The following NALF1 variants were observed in gnomAD, a reference collection of about 807,000 sequenced individuals.
NALF1 encodes the protein family with sequence similarity 155 member A.
A neutral mutation model predicts 48.4 loss-of-function variants in NALF1; 3 were observed. The ratio of observed to expected loss-of-function variants is 0.06; its 90% CI spans 0.03 to 0.16. The LOEUF is 0.16. NALF1 is among the 10% of genes least tolerant of loss of function. The probability of loss-of-function intolerance (pLI) is 1.00; values close to 1 mark genes in which losing one functional copy is unlikely to be tolerated. For synonymous variants in NALF1, 262 were observed against 245.7 expected (o/e 1.07, Z -0.62); for missense variants, 526 against 571.5 (o/e 0.92, Z 0.81).
intron 1 of NALF1, among the ~76,000 whole-genome samples, chr13:107,515,403 T>C (rs181152616): frequency 6.6e-6 from 1 of 152,298 alleles, no homozygotes; most frequent in East Asian, 1.9e-4. Flanking sequence ...TTAGACACCA[T>C]GCAAAGTTCT....
intron 1 of NALF1, among the ~76,000 whole-genome samples, chr13:107,672,727 T>C (rs1881019548): frequency 6.6e-6 from 1 of 152,198 alleles, no homozygotes; most frequent in Non-Finnish European, 1.5e-5. Context: ...CTGTCAATAC[T>C]TTGACTCCTT....
intron 1 of NALF1, among the ~76,000 whole-genome samples, chr13:107,332,315 A>T (rs1464709037): frequency 6.6e-6 from 1 of 152,210 alleles, no homozygotes; most frequent in Non-Finnish European, 1.5e-5. Context: ...ACAAATAGAG[A>T]ATTTAAGCAT....
intron 1 of NALF1, among the ~76,000 whole-genome samples, chr13:107,386,690 T>C (rs1277813085): frequency 6.6e-6 from 1 of 152,224 alleles, no homozygotes; most frequent in Non-Finnish European, 1.5e-5. Flanking sequence ...GCAGTTATTA[T>C]GACACTGTCA....
chr13:107,290,134 G>C (rs1442459626), intron 1 of NALF1, among the ~76,000 whole-genome samples: 1 of 149,786 alleles, frequency 6.7e-6, no homozygotes, highest in Admixed American at 6.7e-5. Context: ...TCCCCCTCAC[G>C]GTATCCTTTG....
intron 1 of NALF1, among the ~76,000 whole-genome samples, chr13:107,621,188 T>A (rs1314833841): frequency 6.6e-6 from 1 of 152,208 alleles, no homozygotes; most frequent in Non-Finnish European, 1.5e-5. Context: ...CTTCCCATCC[T>A]AAATTACAGT....
At chr13:107,536,869 C>T (rs1339976825) in intron 1 of NALF1, among the ~76,000 whole-genome samples, 2 of 152,108 alleles carry the variant, frequency 1.3e-5, no homozygotes, top group African/African-American at 4.8e-5. Context: ...GAAAATGTGG[C>T]ACATATACAC....
chr13:107,250,085 A>T (rs1880667321), intron 1 of NALF1, among the ~76,000 whole-genome samples: 2 of 143,560 alleles, frequency 1.4e-5, no homozygotes, highest in Admixed American at 6.9e-5. Context: ...AGGTTGAGCC[A>T]CTGGTGTTTT....
chr13:107,731,683 T>C lies in NALF1; in HGVS notation c.915+133999A>G, dbSNP rs7988772. On this transcript the variant is annotated intron_variant, in intron 1 of 2. Transcript: ENST00000375915. ...TTTTCCTGTTCCTGCATTAGTTTGC[T>C]AAGGATGATGGCCTCCAGCTTCATC... 9.8e-3 allele frequency among the ~76,000 whole-genome samples: 1,487 copies of C among 152,228 alleles called. 28 individuals carry two copies. The highest frequency in any genetic ancestry group is 0.034 in the African/African-American group (1,422 of 41,542).
Position 107,198,087 on chromosome 13 carries a change from A to G in NALF1, c.1087+12497T>C, listed in dbSNP as rs1006982376. 2.6e-5 allele frequency among the ~76,000 whole-genome samples: 4 copies of G among 152,350 alleles called. No homozygotes were observed. The South Asian group carries it at 6.2e-4, about 24-fold the overall frequency. On this transcript the variant is annotated intron_variant, in intron 2 of 2. Coordinates refer to ENST00000375915, the MANE Select transcript of NALF1 (RefSeq NM_001080396.3). ...CTAGAGATAGAAAGTTTATCTGGCT[A>G]GTTTTGAGATTTTCTTACTCTTTCT...
chr13:107,174,272 A>G (rs1878866227), intron 2 of NALF1, among the ~76,000 whole-genome samples: 1 of 152,160 alleles, frequency 6.6e-6, no homozygotes, highest in Non-Finnish European at 1.5e-5. Context: ...CTGGGCACCT[A>G]AGGAGGGCTG....
At chr13:107,612,993 C>T (rs1184257411) in intron 1 of NALF1, among the ~76,000 whole-genome samples, 1 of 146,182 alleles carries the variant, frequency 6.8e-6, no homozygotes, top group African/African-American at 2.5e-5. Flanking sequence ...GGTTTTTTTC[C>T]CACAATGAGA....
chr13:107,659,141 A>ACACACACACACACACACG (rs1172547643), intron 1 of NALF1, among the ~76,000 whole-genome samples: 2 of 151,596 alleles, frequency 1.3e-5, no homozygotes, highest in East Asian at 3.9e-4. Flanking sequence ...ACACACACAC[A>ACACACACACACACACACG]CACGCACTCA....
At chr13:107,482,671 T>C (rs1385562577) in intron 1 of NALF1, among the ~76,000 whole-genome samples, 2 of 152,152 alleles carry the variant, frequency 1.3e-5, no homozygotes, top group Non-Finnish European at 2.9e-5. Flanking sequence ...GGAAATGGTC[T>C]TGAATAGTTG....
chr13:107,675,873 T>C (rs936087149), intron 1 of NALF1, among the ~76,000 whole-genome samples: 3 of 152,190 alleles, frequency 2.0e-5, no homozygotes, highest in African/African-American at 7.2e-5. Context: ...CCATACCTTC[T>C]TCTTGGCTCC....
At position 107,495,032 on chromosome 13, in the gene NALF1, C is replaced by T. The variant is rs541471005; in HGVS notation, c.916-284277G>A. Among the ~76,000 whole-genome samples, 16 of 152,302 alleles carry T rather than the reference C, an allele frequency of 1.1e-4. No individual in the cohort carries two copies. The South Asian group carries it at 2.5e-3, about 24-fold the overall frequency. Reference sequence around the variant, plus strand: ...ACCAATTCCCAGATGGACATAGAGGCGTTACTGTTTGAGCACACCACACAA... The same window carrying T: ...ACCAATTCCCAGATGGACATAGAGGTGTTACTGTTTGAGCACACCACACAA... On this transcript the variant is annotated intron_variant, in intron 1 of 2. Transcript: ENST00000375915.
intron 1 of NALF1, among the ~76,000 whole-genome samples, chr13:107,453,526 C>T (rs1884776926): frequency 6.6e-6 from 1 of 152,148 alleles, no homozygotes; most frequent in African/African-American, 2.4e-5. Context: ...AGCAAGGGGC[C>T]CCTAGGCCTG....
chr13:107,564,351 C>T (rs1334018538), intron 1 of NALF1, among the ~76,000 whole-genome samples: 1 of 152,188 alleles, frequency 6.6e-6, no homozygotes, highest in East Asian at 1.9e-4. Flanking sequence ...TATTGGGAAA[C>T]TGGACAAAAG....
intron 1 of NALF1, among the ~76,000 whole-genome samples, chr13:107,717,566 G>A (rs1875858741): frequency 6.6e-6 from 1 of 151,294 alleles, no homozygotes; most frequent in Admixed American, 6.6e-5. Flanking sequence ...TAGGTAAAAA[G>A]CTACGTCCAG....
chr13:107,430,807 A>G (rs1451642634), intron 1 of NALF1, among the ~76,000 whole-genome samples: 1 of 152,160 alleles, frequency 6.6e-6, no homozygotes, highest in Non-Finnish European at 1.5e-5. Context: ...TCCTTTGGGT[A>G]TATACCCAGT....
Sources: gnomAD v4.1 joint callset for allele counts (sites outside exome capture counted in the v4.1 genomes callset) on GRCh38, gnomAD v4.1.1 for gene constraint, MANE v1.5 for transcripts, NCBI Gene and HGNC (gene_info 2026-07-23, HGNC 2026-07-21) for gene names.